The following ANK1 variants were observed in gnomAD, a reference collection of about 807,000 sequenced individuals.
The protein encoded by ANK1 is ankyrin 1, also known as ankyrin-1.
In ANK1, 51 loss-of-function variants were observed where a neutral mutation model predicts 210.4. The ratio of observed to expected loss-of-function variants is 0.24; its 90% CI spans 0.19 to 0.31. The LOEUF (loss-of-function observed/expected upper bound fraction) is 0.31. Among genes scored for constraint, ANK1 ranks in the 10% least tolerant of loss-of-function variants. The pLI is 1.00. For missense variants in ANK1, 2,051 were observed against 2,504.4 expected, an observed-to-expected ratio of 0.82 and a Z score of 3.86; for synonymous variants, 967 against 1,025.9, an observed-to-expected ratio of 0.94 and a Z score of 1.10.
In ANK1 at chr8:41,796,973, C is replaced by G. The variant is rs1008574425; in HGVS notation, c.27+539G>C. On this transcript the variant is annotated intron_variant, in intron 1 of 42. Transcript: ENST00000289734. ...TTTCCCTTCCTTCGTAGACATATTT[C>G]TCTCCATGAATTAACAACATAAATT... is the stretch of plus-strand genomic sequence containing the variant. 9.2e-5 allele frequency among the ~76,000 whole-genome samples: 14 copies of G among 152,168 alleles called. 1 individual carries two copies. Among genetic ancestry groups the G allele is most frequent in the Admixed American group, 9.2e-4 (14 of 15,282 alleles).
chr8:41,749,346 G>A (rs1265416566), intron 2 of ANK1, among the ~76,000 whole-genome samples: 1 of 142,138 alleles, frequency 7.0e-6, no homozygotes, highest in East Asian at 2.1e-4. Context: ...TGCCCAGGCT[G>A]GAGTGCAGTG....
At chr8:41,820,183 G>A (rs1242256302) in intron 1 of ANK1, among the ~76,000 whole-genome samples, 1 of 145,378 alleles carries the variant, frequency 6.9e-6, no homozygotes, top group South Asian at 2.2e-4. Flanking sequence ...TTTTTTAGAT[G>A]GGGTCTCACT....
intron 1 of ANK1, among the ~76,000 whole-genome samples, chr8:41,857,195 T>C (rs922983004): frequency 2.1e-5 from 3 of 140,440 alleles, no homozygotes; most frequent in African/African-American, 5.5e-5. Context: ...TTTTTTTTTT[T>C]CTCCCCTTTC....
intron 1 of ANK1, among the ~76,000 whole-genome samples, chr8:41,878,163 C>T (rs1312427708): frequency 1.3e-5 from 2 of 152,208 alleles, no homozygotes; most frequent in Non-Finnish European, 2.9e-5. Flanking sequence ...GCAACAATAA[C>T]CAAAACTAAT....
chr8:41,866,307 G>T (rs896972168), intron 1 of ANK1, among the ~76,000 whole-genome samples: 1 of 152,078 alleles, frequency 6.6e-6, no homozygotes, highest in Admixed American at 6.5e-5. Context: ...CTCCTATCTC[G>T]ACTTCCCGGG....
intron 1 of ANK1, among the ~76,000 whole-genome samples, chr8:41,810,671 G>A (rs1240071553): frequency 6.6e-6 from 1 of 152,214 alleles, no homozygotes; most frequent in African/African-American, 2.4e-5. Flanking sequence ...GCAACGTGCC[G>A]CCGAAGCGTA....
chr8:41,748,810 C>T (rs926732195), intron 2 of ANK1, among the ~76,000 whole-genome samples: 3 of 152,146 alleles, frequency 2.0e-5, no homozygotes, highest in Admixed American at 2.0e-4. Flanking sequence ...CTAAGGCGGG[C>T]AGATCACGAG....
intron 35 of ANK1, 62 bp downstream of exon 35, chr8:41,688,094 T>C: frequency 1.3e-6 from 2 of 1,541,260 alleles, no homozygotes; most frequent in South Asian, 2.2e-5. Context: ...CATTGCTCAT[T>C]ACAGGGGAAG....
chr8:41,730,780 C>T (rs1162740564), intron 3 of ANK1, among the ~76,000 whole-genome samples: 1 of 152,170 alleles, frequency 6.6e-6, no homozygotes, highest in Non-Finnish European at 1.5e-5. Flanking sequence ...TTCTGGGCTC[C>T]CATGGAAAAG....
chr8:41,654,131 G>C lies in ANK1; in HGVS notation c.*1659C>G, dbSNP rs1346139658. On this transcript the variant is annotated 3_prime_UTR_variant, in exon 43 of 43. Transcript: ENST00000289734. ...GTCCACACCGCGGCTCCAGGGGCGA[G>C]AGGAGCCAGCCCTGTCTCTCTCTCC... 6.6e-6 allele frequency: 1 copy of C among 152,530 alleles called. No individual in the cohort carries two copies. 9.4% of individuals were successfully genotyped at this position (152,530 alleles called of 1,614,324 possible). A position where few individuals can be genotyped will look rare whatever the true frequency, so the allele number is the denominator to read the frequency against.
intron 1 of ANK1, among the ~76,000 whole-genome samples, chr8:41,809,394 G>A (rs1402676786): frequency 6.6e-6 from 1 of 152,174 alleles, no homozygotes; most frequent in Non-Finnish European, 1.5e-5. Flanking sequence ...GCGTCAACAT[G>A]CACTATGGTG....
intron 11 of ANK1, 48 bp downstream of exon 11, chr8:41,718,058 G>A (rs374124828): frequency 2.5e-5 from 39 of 1,574,198 alleles, no homozygotes; most frequent in Non-Finnish European, 2.8e-5. Context: ...AAGGTGGGTC[G>A]GGGGAGACCA....
chr8:41,667,882 T>C (rs963023983), intron 39 of ANK1, among the ~76,000 whole-genome samples: 2 of 152,174 alleles, frequency 1.3e-5, no homozygotes, highest in African/African-American at 2.4e-5. Context: ...CAGGTCACCA[T>C]AGGAGGAGAG....
At position 41,695,349 on chromosome 8, in the gene ANK1, T is replaced by C. The variant is rs200381928; in HGVS notation, c.2961-18A>G. 6.2e-6 allele frequency: 10 copies of C among 1,612,742 alleles called. No homozygotes were observed. The highest frequency in any genetic ancestry group is 3.3e-5 in the Admixed American group (2 of 59,944). The stretch of plus-strand genomic sequence containing the variant: ...TTACAGGGCTGAGGCAAGGACACAG[T>C]GGTGGTGGGGAGGTGCTCATACAAG... On this transcript the variant is annotated intron_variant, in intron 26 of 42. Coordinates refer to ENST00000289734, the MANE Select transcript of ANK1 (RefSeq NM_000037.4).
At chr8:41,713,965 C>G (rs543325333) in intron 16 of ANK1, among the ~76,000 whole-genome samples, 191 bp downstream of exon 16, 37 of 152,352 alleles carry the variant, frequency 2.4e-4, no homozygotes, top group African/African-American at 8.7e-4. Flanking sequence ...CTTCCCATCC[C>G]ACTCCTGGGC....
chr8:41,668,167 C>T (rs1005604031), intron 39 of ANK1, 100 bp downstream of exon 39: 2 of 1,519,710 alleles, frequency 1.3e-6, no homozygotes, highest in African/African-American at 1.4e-5. Flanking sequence ...AGGGGATATG[C>T]TTAGCTCAGG....
At chr8:41,693,417 CTTTTTTTTTTTTTTTTTTTTT>C (rs71239074) in intron 29 of ANK1, among the ~76,000 whole-genome samples, 1 of 45,234 alleles carries the variant, frequency 2.2e-5, no homozygotes, top group Non-Finnish European at 3.8e-5. Context: ...GGGGCATGGA[CTTTTTTTTTTTTTTTTTTTTT>C]TTTTTTTTTT....
At chr8:41,806,623 C>T (rs1001138101) in intron 1 of ANK1, among the ~76,000 whole-genome samples, 1 of 152,070 alleles carries the variant, frequency 6.6e-6, no homozygotes. Flanking sequence ...GAGAATTGCT[C>T]GAGCCTGGGA....
At chr8:41,735,747 G>T (rs990171868) in intron 2 of ANK1, among the ~76,000 whole-genome samples, 1 of 152,192 alleles carries the variant, frequency 6.6e-6, no homozygotes, top group African/African-American at 2.4e-5. Flanking sequence ...ACTAGCAGAG[G>T]AAAGTCACCC....
Sources: gnomAD v4.1 joint callset for allele counts (sites outside exome capture counted in the v4.1 genomes callset) on GRCh38, gnomAD v4.1.1 for gene constraint, MANE v1.5 for transcripts, NCBI Gene and HGNC (gene_info 2026-07-23, HGNC 2026-07-21) for gene names.